Variants in HSPA12A observed in about 807,000 individuals in gnomAD.
The protein encoded by HSPA12A is heat shock protein family A (Hsp70) member 12A.
Under a neutral mutation model 69.2 loss-of-function variants are expected in HSPA12A, and 28 were observed. The ratio of observed to expected loss-of-function variants is 0.40; its 90% CI spans 0.30 to 0.55. The LOEUF is 0.55. Ranked by LOEUF, HSPA12A falls within the 20% of genes least tolerant of loss-of-function variation. The pLI is 0.38. For missense variants in HSPA12A, 686 were observed against 900.7 expected, an observed-to-expected ratio of 0.76 and a Z score of 3.05; for synonymous variants, 345 against 370.5, an observed-to-expected ratio of 0.93 and a Z score of 0.79.
At chr10:116,843,482 G>C (rs1845834696) in intron 1 of HSPA12A, among the ~76,000 whole-genome samples, 3 of 152,156 alleles carry the variant, frequency 2.0e-5, no homozygotes, top group African/African-American at 7.2e-5. Context: ...TTTTTTAAAT[G>C]TCATTTCCTA....
intron 2 of HSPA12A, among the ~76,000 whole-genome samples, chr10:116,782,793 CA>C: frequency 6.6e-6 from 1 of 152,300 alleles, no homozygotes; most frequent in East Asian, 1.9e-4. Context: ...AGTAGATTCA[CA>C]GGTGCCAACA....
Sources: gnomAD v4.1 joint callset for allele counts (sites outside exome capture counted in the v4.1 genomes callset) on GRCh38, gnomAD v4.1.1 for gene constraint, MANE v1.5 for transcripts, NCBI Gene and HGNC (gene_info 2026-07-23, HGNC 2026-07-21) for gene names.